PKHD1: variants seen among roughly 807,000 people sequenced by gnomAD.
The protein encoded by PKHD1 is fibrocystin.
Under a neutral mutation model 412.0 loss-of-function variants are expected in PKHD1, and 291 were observed. That is an observed-to-expected ratio of 0.71 (90% CI 0.64 to 0.78). The LOEUF (loss-of-function observed/expected upper bound fraction) is 0.78. Among genes scored for constraint, PKHD1 ranks in the 30% least tolerant of loss-of-function variants. The pLI is 0.00. For missense variants in PKHD1, 4,825 were observed against 4,950.7 expected (o/e 0.97, Z 0.76); for synonymous variants, 1,777 against 1,821.5 (o/e 0.98, Z 0.62).
chr6:51,918,361 C>T (rs1784157349), intron 37 of PKHD1, among the ~76,000 whole-genome samples: 1 of 152,054 alleles, frequency 6.6e-6, no homozygotes, highest in African/African-American at 2.4e-5. Context: ...CCCCCACCCA[C>T]TAACAGGCCC....
At position 51,759,954 on chromosome 6, in the gene PKHD1, C is replaced by T. The variant is rs551345722; in HGVS notation, c.8643-5016G>A. 3.3e-5 allele frequency among the ~76,000 whole-genome samples: 5 copies of T among 152,104 alleles called. No individual in the cohort carries two copies. The East Asian group carries it at 9.7e-4, about 29-fold the overall frequency. The stretch of plus-strand genomic sequence containing the variant: ...TACCTTCCAAACATATGCCTTTCAC[C>T]AGCATCATAATAGTAGTGAATTTGG... On this transcript the variant is annotated intron_variant, in intron 55 of 66. Coordinates refer to ENST00000371117, the MANE Select transcript of PKHD1 (RefSeq NM_138694.4).
Position 51,746,631 on chromosome 6 carries a change from A to G in PKHD1, c.9998+90T>C, listed in dbSNP as rs1020391675. ...AAGATTCATTTCTATTTCTTTGATG[A>G]TTTTATTCCTTTCAAAAAACATGTT... On this transcript the variant is annotated intron_variant, in intron 59 of 66. Transcript: ENST00000371117. 4.3e-5 allele frequency: 36 copies of G among 843,720 alleles called. 1 individual carries two copies. The highest frequency in any genetic ancestry group is 3.6e-4 in the South Asian group (26 of 71,874). The allele number at this position is 843,720 out of a possible 1,614,324, so 52.3% of individuals were successfully genotyped here.
chr6:51,799,208 T>C (rs372104712), intron 52 of PKHD1, among the ~76,000 whole-genome samples: 1 of 152,034 alleles, frequency 6.6e-6, no homozygotes, highest in Non-Finnish European at 1.5e-5. Flanking sequence ...TAAATTCCAA[T>C]AGTTATCTAA....
chr6:51,873,639 G>A (rs1232333778), intron 46 of PKHD1, among the ~76,000 whole-genome samples: 1 of 152,116 alleles, frequency 6.6e-6, no homozygotes, highest in Non-Finnish European at 1.5e-5. Flanking sequence ...ACTAGAGAAA[G>A]GTAACATAGA....
intron 44 of PKHD1, 78 bp from the exon 45 acceptor site, chr6:51,886,050 AG>A (rs1475268732): frequency 1.1e-6 from 1 of 887,604 alleles, no homozygotes; most frequent in Non-Finnish European, 1.9e-6. Context: ...AAAAATACAA[AG>A]TAAAAGTAAT....
chr6:51,695,725 T>C (rs1355520474), intron 60 of PKHD1, among the ~76,000 whole-genome samples: 1 of 152,204 alleles, frequency 6.6e-6, no homozygotes, highest in Non-Finnish European at 1.5e-5. Context: ...AATAACAACA[T>C]GGATATATGT....
At chr6:51,721,189 C>T (rs1409599063) in intron 60 of PKHD1, 15 of 933,336 alleles carry the variant, frequency 1.6e-5, no homozygotes, top group Non-Finnish European at 1.9e-5. Flanking sequence ...AAGGTCATGG[C>T]CAAGGTCTGA....
At chr6:52,022,993 T>A (rs765208323) in intron 32 of PKHD1, 49 bp from the exon 33 acceptor site, 11 of 1,608,536 alleles carry the variant, frequency 6.8e-6, no homozygotes, top group South Asian at 1.1e-5. Context: ...AAATCTCCCT[T>A]CTTTACTCAA....
intron 60 of PKHD1, among the ~76,000 whole-genome samples, chr6:51,722,199 C>T (rs1782011670): frequency 1.3e-5 from 2 of 152,188 alleles, no homozygotes; most frequent in Non-Finnish European, 2.9e-5. Flanking sequence ...TTTTCTCCTT[C>T]TGCCAAAATC....
rs189379352 is a variant in PKHD1 at position 51,764,615 on chromosome 6, G to A, written c.8642+8087C>T. On this transcript the variant is annotated intron_variant, in intron 55 of 66. Transcript: ENST00000371117. ...TGCTGCTATAAAGACACATGCACAC[G>A]TATGTTTATTGCGGCATTATTCACA... Among the ~76,000 whole-genome samples the A allele has an allele frequency of 8.8e-3, 1,335 of 151,424 alleles. 11 individuals are homozygous for A. The highest frequency in any genetic ancestry group is 0.034 in the Middle Eastern group (10 of 292).
intron 50 of PKHD1, among the ~76,000 whole-genome samples, chr6:51,841,203 A>T (rs184632685): frequency 6.6e-6 from 1 of 152,206 alleles, no homozygotes; most frequent in Non-Finnish European, 1.5e-5. Context: ...AAAAGAAAAG[A>T]TGGTATACTA....
At chr6:51,981,312 TCTCCCTCTCCCTCTCCCTCTCCCTCTC>T (rs1795143241) in intron 35 of PKHD1, among the ~76,000 whole-genome samples, 1 of 7,366 alleles carries the variant, frequency 1.4e-4, no homozygotes, top group Non-Finnish European at 4.9e-4. Flanking sequence ...AAGCTCAAGC[TCTCCCTCTCCCTCTCCCTCTCCCTCTC>T]CCTCTCCCTC....
Position 52,050,152 on chromosome 6 carries a change from C to T in PKHD1, c.2279+5G>A, listed in dbSNP as rs1581955260. On this transcript the variant is annotated splice_donor_5th_base_variant and intron_variant, in intron 22 of 66. Transcript: ENST00000371117. ...AGGGACAGGTGTAAAAAAGCCACTC[C>T]TTACCGTGCAGTGATGAGCGGGAGC... 1.9e-6 allele frequency: 3 copies of T among 1,613,874 alleles called. No individual in the cohort carries two copies. Among genetic ancestry groups the T allele is most frequent in the Non-Finnish European group, 2.5e-6 (3 of 1,179,918 alleles).
intron 60 of PKHD1, among the ~76,000 whole-genome samples, chr6:51,673,433 C>T (rs1266755911): frequency 1.3e-5 from 2 of 152,220 alleles, no homozygotes; most frequent in Non-Finnish European, 2.9e-5. Context: ...TGTGCCTTTG[C>T]ATCTCTACCA....
At chr6:51,788,731 T>C (rs1171162984) in intron 53 of PKHD1, among the ~76,000 whole-genome samples, 3 of 147,616 alleles carry the variant, frequency 2.0e-5, no homozygotes. Flanking sequence ...CATTTGGATC[T>C]TTGTAAATCA....
intron 35 of PKHD1, among the ~76,000 whole-genome samples, chr6:51,995,051 C>T (rs1797560930): frequency 6.6e-6 from 1 of 152,180 alleles, no homozygotes; most frequent in Non-Finnish European, 1.5e-5. Flanking sequence ...TCTGGTCACC[C>T]TGCGTTTCTT....
intron 57 of PKHD1, among the ~76,000 whole-genome samples, chr6:51,749,861 T>C (rs1409533734): frequency 6.6e-6 from 1 of 152,226 alleles, no homozygotes; most frequent in Non-Finnish European, 1.5e-5. Flanking sequence ...TAATTAGTTG[T>C]GTGTCCTTTG....
chr6:51,632,776 T>C, intron 64 of PKHD1, 53 bp from the exon 65 acceptor site: 7 of 1,414,924 alleles, frequency 4.9e-6, no homozygotes, highest in South Asian at 1.2e-5. Flanking sequence ...GATGCTAATA[T>C]AATTAAAATA....
chr6:51,784,988 C>T (rs1044986336), intron 53 of PKHD1, among the ~76,000 whole-genome samples: 3 of 152,134 alleles, frequency 2.0e-5, no homozygotes, highest in African/African-American at 7.2e-5. Flanking sequence ...AATGTATTAC[C>T]ATCTAAACTT....
Sources: gnomAD v4.1 joint callset for allele counts (sites outside exome capture counted in the v4.1 genomes callset) on GRCh38, gnomAD v4.1.1 for gene constraint, MANE v1.5 for transcripts, NCBI Gene and HGNC (gene_info 2026-07-23, HGNC 2026-07-21) for gene names.